Variants in RHBDD1 observed in about 807,000 individuals in gnomAD.
RHBDD1 encodes rhomboid domain containing 1, also known as rhomboid-related protein 4.
In RHBDD1, 38 loss-of-function variants were observed where a neutral mutation model predicts 36.3. The observed-to-expected ratio is 1.05, with a 90% confidence interval of 0.81 to 1.37. The LOEUF is 1.37. RHBDD1 is among the 40% of genes most tolerant of loss of function. The pLI, the probability that RHBDD1 is intolerant of heterozygous loss-of-function variation, is 0.00. For synonymous variants in RHBDD1, 151 were observed against 136.5 expected, an observed-to-expected ratio of 1.11 and a Z score of -0.74; for missense variants, 393 against 377.6, an observed-to-expected ratio of 1.04 and a Z score of -0.34.
At chr2:226,893,668 T>C (rs1021365330) in intron 5 of RHBDD1, among the ~76,000 whole-genome samples, 4 of 152,196 alleles carry the variant, frequency 2.6e-5, no homozygotes, top group African/African-American at 4.8e-5. Flanking sequence ...GCTAAGCCAG[T>C]GGTTTTCCAC....
At chr2:226,863,105 TG>T (rs1194021770) in intron 3 of RHBDD1, among the ~76,000 whole-genome samples, 1 of 152,122 alleles carries the variant, frequency 6.6e-6, no homozygotes, top group Admixed American at 6.5e-5. Context: ...CCCAGCACTT[TG>T]GGAGGCTGAG....
At chr2:226,824,488 A>C in the RHBDD1 span, among the ~76,000 whole-genome samples, 3 of 152,336 alleles carry the variant, frequency 2.0e-5, no homozygotes, top group African/African-American at 7.2e-5. Flanking sequence ...GAAAGAAAGG[A>C]TTGAGTTAAG....
chr2:226,860,607 G>C (rs1258015326), intron 3 of RHBDD1, among the ~76,000 whole-genome samples: 1 of 152,170 alleles, frequency 6.6e-6, no homozygotes, highest in African/African-American at 2.4e-5. Context: ...AAGTTGTCTT[G>C]TGACAGGTTG....
At chr2:226,919,639 A>G (rs917048291) in intron 8 of RHBDD1, among the ~76,000 whole-genome samples, 2 of 151,898 alleles carry the variant, frequency 1.3e-5, no homozygotes, top group African/African-American at 4.8e-5. Context: ...ACATAAATGT[A>G]TGGATTTGTT....
intron 8 of RHBDD1, among the ~76,000 whole-genome samples, chr2:226,938,241 C>T (rs575535105): frequency 4.7e-4 from 72 of 151,870 alleles, no homozygotes; most frequent in Non-Finnish European, 1.0e-3. Context: ...TGTCTTCTTT[C>T]GAAAAGTGTC....
At chr2:226,971,652 A>G (rs1264260474) in intron 8 of RHBDD1, among the ~76,000 whole-genome samples, 1 of 152,214 alleles carries the variant, frequency 6.6e-6, no homozygotes, top group Non-Finnish European at 1.5e-5. Context: ...TGTGGCTACT[A>G]ACATTCAAAT....
chr2:226,983,473 G>A (rs1056692676), intron 8 of RHBDD1, among the ~76,000 whole-genome samples: 7 of 152,126 alleles, frequency 4.6e-5, no homozygotes, highest in Admixed American at 3.3e-4. Context: ...TCTTTTCCCA[G>A]GCCCAACAGC....
chr2:226,941,296 T>TC (rs1425391398), intron 8 of RHBDD1, among the ~76,000 whole-genome samples: 1 of 152,000 alleles, frequency 6.6e-6, no homozygotes, highest in Non-Finnish European at 1.5e-5. Flanking sequence ...CTCCCATGAG[T>TC]CTCCCTAGAG....
chr2:226,922,309 GC>G (rs1949379586), intron 8 of RHBDD1, among the ~76,000 whole-genome samples: 1 of 145,172 alleles, frequency 6.9e-6, no homozygotes, highest in South Asian at 2.3e-4. Context: ...CCGGGTTCAC[GC>G]CATTCTCCTG....
chr2:226,946,544 G>T (rs531505664), intron 8 of RHBDD1, among the ~76,000 whole-genome samples: 36 of 152,204 alleles, frequency 2.4e-4, no homozygotes, highest in Admixed American at 6.5e-4. Context: ...AAAAGTTAAT[G>T]AATTTAGGAG....
intron 3 of RHBDD1, among the ~76,000 whole-genome samples, chr2:226,859,125 C>T (rs1943600785): frequency 1.3e-5 from 2 of 152,128 alleles, no homozygotes; most frequent in African/African-American, 4.8e-5. Flanking sequence ...TTTCATTTAT[C>T]ATATAATGTA....
At chr2:226,942,807 GT>G (rs1950749592) in intron 8 of RHBDD1, among the ~76,000 whole-genome samples, 1 of 151,984 alleles carries the variant, frequency 6.6e-6, no homozygotes, top group Non-Finnish European at 1.5e-5. Context: ...GTCTTTAATA[GT>G]TTTCCTTTTA....
intron 5 of RHBDD1, among the ~76,000 whole-genome samples, chr2:226,884,558 A>G (rs1209631869): frequency 1.3e-5 from 2 of 152,314 alleles, no homozygotes; most frequent in East Asian, 3.9e-4. Flanking sequence ...AATAAATAAC[A>G]AGTTTTATTT....
chr2:226,857,321 C>G (rs1298532941), intron 3 of RHBDD1, among the ~76,000 whole-genome samples: 1 of 151,902 alleles, frequency 6.6e-6, no homozygotes, highest in African/African-American at 2.4e-5. Flanking sequence ...AAACTGGAAC[C>G]CCTGTACAGT....
chr2:226,914,980 T>C (rs2125711787), intron 8 of RHBDD1, among the ~76,000 whole-genome samples: 2 of 152,278 alleles, frequency 1.3e-5, no homozygotes, highest in Middle Eastern at 6.8e-3. Flanking sequence ...CAACTGTTCA[T>C]TTAAAGGGCA....
intron 8 of RHBDD1, among the ~76,000 whole-genome samples, chr2:226,945,485 G>T (rs1000542965): frequency 7.2e-5 from 11 of 152,130 alleles, no homozygotes; most frequent in Admixed American, 5.2e-4. Context: ...CAACAGACAT[G>T]AACTCATCCT....
At chr2:226,867,698 T>G in intron 5 of RHBDD1, 1 of 949,490 alleles carries the variant, frequency 1.1e-6, no homozygotes, top group Non-Finnish European at 1.3e-6. Flanking sequence ...GGTATGTTGA[T>G]CTAATGCTTT....
chr2:226,911,680 GA>G (rs1455525023), intron 7 of RHBDD1, among the ~76,000 whole-genome samples: 1 of 150,830 alleles, frequency 6.6e-6, no homozygotes, highest in East Asian at 2.0e-4. Flanking sequence ...AAATTTTTCT[GA>G]TTCTATTGGA....
chr2:226,820,023 T>C, the RHBDD1 span, among the ~76,000 whole-genome samples: 2 of 151,374 alleles, frequency 1.3e-5, no homozygotes, highest in East Asian at 2.0e-4. Flanking sequence ...GTCTCTCTTT[T>C]AGCTAGGGCA....
Sources: allele counts gnomAD v4.1 joint callset (sites outside exome capture counted in the v4.1 genomes callset), GRCh38; gene constraint gnomAD v4.1.1; transcripts MANE v1.5; gene names NCBI Gene and HGNC (gene_info 2026-07-23, HGNC 2026-07-21).